The following ADARB2 variants were observed in gnomAD, a reference collection of about 807,000 sequenced individuals.
The protein encoded by ADARB2 is inactive double-stranded RNA-specific editase B2.
In ADARB2, 25 loss-of-function variants were observed where a neutral mutation model predicts 62.2. The ratio of observed to expected loss-of-function variants is 0.40; its 90% CI spans 0.29 to 0.56. ADARB2 has a LOEUF of 0.56. ADARB2 is among the 20% of genes least tolerant of loss of function. The pLI, the probability that ADARB2 is intolerant of heterozygous loss-of-function variation, is 0.43. For synonymous variants in ADARB2, 572 were observed against 500.8 expected (o/e 1.14, Z -1.90); for missense variants, 1,071 against 1,077.4 (o/e 0.99, Z 0.08).
intron 1 of ADARB2, among the ~76,000 whole-genome samples, chr10:1,640,910 G>A (rs1207989870): frequency 6.6e-6 from 1 of 152,138 alleles, no homozygotes; most frequent in Non-Finnish European, 1.5e-5. Context: ...ACGCATCCCG[G>A]CTGGACAAAG....
chr10:1,199,300 C>T (rs566879644), intron 8 of ADARB2: 3 of 152,154 alleles, frequency 2.0e-5, no homozygotes, highest in African/African-American at 7.2e-5. Context: ...AAGACCACTC[C>T]CGGGGCTTTC....
intron 1 of ADARB2, among the ~76,000 whole-genome samples, chr10:1,682,969 A>T (rs987218837): frequency 6.6e-6 from 1 of 152,192 alleles, no homozygotes; most frequent in African/African-American, 2.4e-5. Context: ...GCGGTAACAC[A>T]GCACCGCGGA....
At chr10:1,407,171 C>T (rs1055314290) in intron 1 of ADARB2, among the ~76,000 whole-genome samples, 2 of 152,204 alleles carry the variant, frequency 1.3e-5, no homozygotes, top group Non-Finnish European at 2.9e-5. Context: ...AGTGGCAGGA[C>T]TGGCACAGAC....
chr10:1,468,670 A>G (rs1278911120), intron 1 of ADARB2, among the ~76,000 whole-genome samples: 2 of 152,190 alleles, frequency 1.3e-5, no homozygotes, highest in Non-Finnish European at 2.9e-5. Flanking sequence ...AGCAAGCAGC[A>G]GCGCTGTCCA....
chr10:1,245,420 T>C (rs145817669), intron 4 of ADARB2, among the ~76,000 whole-genome samples: 9 of 152,344 alleles, frequency 5.9e-5, no homozygotes, highest in South Asian at 2.1e-4. Context: ...ATGTGCCATG[T>C]TGGTGTGCTG....
chr10:1,203,524 C>T (rs552923501), intron 7 of ADARB2, among the ~76,000 whole-genome samples: 38 of 152,318 alleles, frequency 2.5e-4, no homozygotes, highest in Admixed American at 6.5e-4. Flanking sequence ...CCACCCGTCC[C>T]GGCGTCTGCA....
At position 1,251,414 on chromosome 10, in the gene ADARB2, G is replaced by C. The variant is rs377555250; in HGVS notation, c.1193-9115C>G. Among the ~76,000 whole-genome samples, 8 of 152,292 alleles carry C rather than the reference G, an allele frequency of 5.3e-5. No homozygotes were observed. In the East Asian group the frequency reaches 1.3e-3, roughly 26 times the overall value. The stretch of plus-strand genomic sequence containing the variant: ...ATGTAAAAAGGTCAGTGGTTGCCAG[G>C]GGATGAGGCGGGGAAGGGATGAATA... On this transcript the variant is annotated intron_variant, in intron 4 of 9. Transcript: ENST00000381312.
At chr10:1,485,566 C>G (rs1461771710) in intron 1 of ADARB2, among the ~76,000 whole-genome samples, 1 of 152,180 alleles carries the variant, frequency 6.6e-6, no homozygotes, top group African/African-American at 2.4e-5. Flanking sequence ...GCAGAAGAGT[C>G]CACCAAGCGT....
intron 3 of ADARB2, among the ~76,000 whole-genome samples, chr10:1,322,266 AT>A (rs568246411): frequency 1.1e-3 from 167 of 152,232 alleles, no homozygotes; most frequent in African/African-American, 3.9e-3. Context: ...CTTGGGAACT[AT>A]TTTGTCTTTT....
chr10:1,701,879 C>A (rs1834826115), intron 1 of ADARB2, among the ~76,000 whole-genome samples: 1 of 151,276 alleles, frequency 6.6e-6, no homozygotes, highest in East Asian at 2.0e-4. Context: ...CACCGGGAGA[C>A]CAGGCGCTCG....
intron 3 of ADARB2, among the ~76,000 whole-genome samples, chr10:1,325,258 G>A (rs775504745): frequency 3.9e-5 from 6 of 152,162 alleles, no homozygotes; most frequent in Admixed American, 2.6e-4. Context: ...CATCCCGAAC[G>A]CTGGGGCCAT....
At chr10:1,466,570 C>G (rs370508397) in intron 1 of ADARB2, among the ~76,000 whole-genome samples, 1 of 152,176 alleles carries the variant, frequency 6.6e-6, no homozygotes, top group Non-Finnish European at 1.5e-5. Context: ...GGCGGACACA[C>G]AGCACAGGGT....
intron 1 of ADARB2, among the ~76,000 whole-genome samples, chr10:1,409,334 CAG>C (rs1207591458): frequency 1.3e-5 from 2 of 152,370 alleles, no homozygotes; most frequent in Middle Eastern, 3.4e-3. Flanking sequence ...TGCAGCCAAA[CAG>C]AGAATTTTTC....
chr10:1,347,315 C>T (rs1312256602), intron 3 of ADARB2, among the ~76,000 whole-genome samples: 1 of 152,214 alleles, frequency 6.6e-6, no homozygotes, highest in African/African-American at 2.4e-5. Flanking sequence ...GTCCCTGGGA[C>T]AAGAATGAGA....
At chr10:1,690,253 C>G (rs112990534) in intron 1 of ADARB2, among the ~76,000 whole-genome samples, 1 of 152,180 alleles carries the variant, frequency 6.6e-6, no homozygotes, top group Non-Finnish European at 1.5e-5. Context: ...TTTTCTTGCA[C>G]AAGACACAGT....
intron 3 of ADARB2, among the ~76,000 whole-genome samples, chr10:1,295,865 G>T (rs1258489251): frequency 2.0e-5 from 3 of 152,192 alleles, no homozygotes; most frequent in Non-Finnish European, 4.4e-5. Flanking sequence ...AGTAGGAAAA[G>T]GTGGCCTATG....
chr10:1,529,935 G>GACCCATCCATTGCTCCCGCCACCGCAGGC (rs541382866), intron 1 of ADARB2, among the ~76,000 whole-genome samples: 109,255 of 149,562 alleles, frequency 0.73, 41,438 homozygotes, highest in Non-Finnish European at 0.83. Flanking sequence ...CCACTGCAGG[G>GACCCATCCATTGCTCCCGCCACCGCAGGC]ACCCATTCAC....
intron 1 of ADARB2, among the ~76,000 whole-genome samples, chr10:1,379,386 C>T (rs965575919): frequency 6.6e-6 from 1 of 152,152 alleles, no homozygotes; most frequent in Non-Finnish European, 1.5e-5. Flanking sequence ...TTCTCCTTCT[C>T]TTATTTTGGC....
At chr10:1,324,189 C>T (rs1431614290) in intron 3 of ADARB2, among the ~76,000 whole-genome samples, 1 of 152,150 alleles carries the variant, frequency 6.6e-6, no homozygotes, top group Non-Finnish European at 1.5e-5. Context: ...AAATGAAAAC[C>T]ACACGAGGTA....
Sources: gnomAD v4.1 joint callset for allele counts (sites outside exome capture counted in the v4.1 genomes callset) on GRCh38, gnomAD v4.1.1 for gene constraint, MANE v1.5 for transcripts, NCBI Gene and HGNC (gene_info 2026-07-23, HGNC 2026-07-21) for gene names.